Variants in MSRB3 observed in about 807,000 individuals in gnomAD.
MSRB3 encodes the protein methionine-R-sulfoxide reductase B3.
A neutral mutation model predicts 21.0 loss-of-function variants in MSRB3; 13 were observed. That is an observed-to-expected ratio of 0.62 (90% confidence interval 0.40 to 0.98). The LOEUF (loss-of-function observed/expected upper bound fraction) is 0.98. Among genes scored for constraint, MSRB3 ranks in the 50% least tolerant of loss-of-function variants. MSRB3 has a pLI of 0.00. For missense variants in MSRB3, 199 were observed against 230.3 expected, an observed-to-expected ratio of 0.86 and a Z score of 0.88; for synonymous variants, 87 against 88.6, an observed-to-expected ratio of 0.98 and a Z score of 0.10.
intron 5 of MSRB3, among the ~76,000 whole-genome samples, chr12:65,378,307 C>T (rs1244107935): frequency 6.6e-6 from 1 of 152,152 alleles, no homozygotes; most frequent in East Asian, 1.9e-4. Context: ...GTCATCAAGC[C>T]TATCAGCTAC....
intron 6 of MSRB3, among the ~76,000 whole-genome samples, chr12:65,457,565 G>A (rs890540509): frequency 6.6e-6 from 1 of 151,892 alleles, no homozygotes; most frequent in Non-Finnish European, 1.5e-5. Flanking sequence ...CTTTTTTATG[G>A]CTGCATAGTA....
chr12:65,464,925 T>C lies in MSRB3; in HGVS notation c.*1603T>C, dbSNP rs1441280133. 1 of 152,242 alleles carries C rather than the reference T, an allele frequency of 6.6e-6. No homozygotes were observed. The highest frequency in any genetic ancestry group is 1.5e-5 in the Non-Finnish European group (1 of 68,042). 9.4% of individuals were successfully genotyped at this position (152,242 alleles called of 1,614,324 possible). On this transcript the variant is annotated 3_prime_UTR_variant, in exon 7 of 7. Coordinates refer to ENST00000308259, the MANE Select transcript of MSRB3 (RefSeq NM_001031679.3). ...CTCTCTGTGCCTATTTCTTCATGCATAAACTGGGACTCATAATATTTGTAA... is the reference window on the plus strand; with the variant it reads ...CTCTCTGTGCCTATTTCTTCATGCACAAACTGGGACTCATAATATTTGTAA...
chr12:65,424,987 AT>A (rs995104952), intron 5 of MSRB3, among the ~76,000 whole-genome samples: 4 of 96 alleles, frequency 0.042, no homozygotes, highest in African/African-American at 0.08. Context: ...ATATATATAT[AT>A]ATCTCAATAT....
intron 5 of MSRB3, among the ~76,000 whole-genome samples, chr12:65,395,659 G>A (rs1879739498): frequency 6.6e-6 from 1 of 152,062 alleles, no homozygotes. Flanking sequence ...GTTTTGTAAG[G>A]TTACTAATTA....
intron 4 of MSRB3, among the ~76,000 whole-genome samples, chr12:65,353,918 C>G (rs1053933200): frequency 5.9e-5 from 9 of 151,866 alleles, no homozygotes; most frequent in Non-Finnish European, 1.2e-4. Flanking sequence ...TAGGGCAGGC[C>G]TGGTGGTGAC....
intron 1 of MSRB3, among the ~76,000 whole-genome samples, chr12:65,289,569 A>G (rs1411736563): frequency 2.0e-5 from 3 of 152,146 alleles, no homozygotes; most frequent in African/African-American, 4.8e-5. Flanking sequence ...TTTAAATTGT[A>G]TTTTAGGTGC....
intron 4 of MSRB3, among the ~76,000 whole-genome samples, chr12:65,330,252 A>C (rs1029987421): frequency 1.3e-5 from 2 of 152,218 alleles, no homozygotes; most frequent in African/African-American, 4.8e-5. Flanking sequence ...CAAATCCTAA[A>C]AGCAAGACCC....
At chr12:65,432,345 G>T (rs962530719) in intron 5 of MSRB3, among the ~76,000 whole-genome samples, 5 of 151,922 alleles carry the variant, frequency 3.3e-5, no homozygotes, top group African/African-American at 1.2e-4. Context: ...AAAAGAACCA[G>T]ATTCTGGCAC....
At chr12:65,287,902 AC>A (rs980520021) in intron 1 of MSRB3, among the ~76,000 whole-genome samples, 7 of 151,718 alleles carry the variant, frequency 4.6e-5, no homozygotes, top group African/African-American at 1.7e-4. Flanking sequence ...GAATTGGAAA[AC>A]TAGGTTTTTC....
chr12:65,350,829 A>G (rs1338434887), intron 4 of MSRB3, among the ~76,000 whole-genome samples: 1 of 144,576 alleles, frequency 6.9e-6, no homozygotes, highest in Non-Finnish European at 1.5e-5. Flanking sequence ...TGAGTGACCT[A>G]CAAAGAGACT....
chr12:65,368,837 G>A (rs1472177366), intron 4 of MSRB3, among the ~76,000 whole-genome samples, 161 bp from the exon 5 acceptor site: 1 of 151,022 alleles, frequency 6.6e-6, no homozygotes, highest in Non-Finnish European at 1.5e-5. Flanking sequence ...GGTAATGCAT[G>A]CATATAAAAT....
Position 65,278,776 on chromosome 12 carries a change from C to T in MSRB3, c.-141C>T. 3.2e-6 allele frequency: 5 copies of T among 1,577,414 alleles called. No homozygotes were observed. Among genetic ancestry groups the T allele is most frequent in the South Asian group, 1.2e-5 (1 of 86,030 alleles). Reference sequence around the variant, plus strand: ...CGGCTGCCTGGCCTTTCCATGAGCCCGCGGCGGACCCTCCCGCGCCCCCTC... The same window carrying T: ...CGGCTGCCTGGCCTTTCCATGAGCCTGCGGCGGACCCTCCCGCGCCCCCTC... On this transcript the variant is annotated 5_prime_UTR_variant, in exon 1 of 7. Transcript: ENST00000308259.
chr12:65,431,986 T>C (rs1881899288), intron 5 of MSRB3, among the ~76,000 whole-genome samples: 1 of 152,062 alleles, frequency 6.6e-6, no homozygotes. Flanking sequence ...TAGGAAATCT[T>C]TCACTGGACT....
At chr12:65,462,343 G>C (rs1190179256) in intron 6 of MSRB3, among the ~76,000 whole-genome samples, 1 of 152,196 alleles carries the variant, frequency 6.6e-6, no homozygotes, top group African/African-American at 2.4e-5. Flanking sequence ...CACTGAGCCA[G>C]CCTTTTTGGA....
chr12:65,278,905 C>T, intron 1 of MSRB3, 40 bp downstream of exon 1: 1 of 1,543,652 alleles, frequency 6.5e-7, no homozygotes, highest in Non-Finnish European at 8.8e-7. Context: ...CTCGCCTCAC[C>T]CCTCCCACCC....
At chr12:65,428,695 C>G (rs1494512) in intron 5 of MSRB3, among the ~76,000 whole-genome samples, 1 of 151,778 alleles carries the variant, frequency 6.6e-6, no homozygotes, top group Non-Finnish European at 1.5e-5. Context: ...ATGAAATATC[C>G]CTCCCTTTGC....
chr12:65,441,808 G>C (rs566159627), intron 5 of MSRB3, among the ~76,000 whole-genome samples: 30 of 151,884 alleles, frequency 2.0e-4, no homozygotes, highest in Non-Finnish European at 3.8e-4. Flanking sequence ...ATGCCTTTTC[G>C]ATGTAATCTA....
chr12:65,278,743 A>T lies in MSRB3; in HGVS notation c.-174A>T, dbSNP rs763817429. 8 of 1,569,086 alleles carry T rather than the reference A, an allele frequency of 5.1e-6. No homozygotes were observed. In the Admixed American group the frequency reaches 1.4e-4, roughly 28 times the overall value. On this transcript the variant is annotated 5_prime_UTR_variant, in exon 1 of 7. Coordinates refer to ENST00000308259, the MANE Select transcript of MSRB3 (RefSeq NM_001031679.3). The stretch of plus-strand genomic sequence containing the variant: ...GGGAGGGAGGGAGCGAGGTTCGGAC[A>T]CCGGCGGCGGCTGCCTGGCCTTTCC...
chr12:65,463,437 A>T lies in MSRB3; in HGVS notation c.*115A>T. ...AAAACTATAAGGGCAGTTTTGTGCT[A>T]TTGATATTTTTTCTTCTTTTGCTTA... On this transcript the variant is annotated 3_prime_UTR_variant, in exon 7 of 7. Transcript: ENST00000308259. 2.3e-6 allele frequency: 3 copies of T among 1,304,638 alleles called. No individual in the cohort carries two copies. The highest frequency in any genetic ancestry group is 3.2e-6 in the Non-Finnish European group (3 of 951,402). The allele number at this position is 1,304,638 out of a possible 1,614,324, so 80.8% of individuals were successfully genotyped here.
Sources: gnomAD v4.1 joint callset for allele counts (sites outside exome capture counted in the v4.1 genomes callset) on GRCh38, gnomAD v4.1.1 for gene constraint, MANE v1.5 for transcripts, NCBI Gene and HGNC (gene_info 2026-07-23, HGNC 2026-07-21) for gene names.